The following THEMIS variants were observed in gnomAD, a reference collection of about 807,000 sequenced individuals.
THEMIS encodes the protein thymocyte selection associated.
Under a neutral mutation model 52.6 loss-of-function variants are expected in THEMIS, and 37 were observed. That is an observed-to-expected ratio of 0.70 (90% CI 0.54 to 0.93). The LOEUF is 0.93. Among genes scored for constraint, THEMIS ranks in the 40% least tolerant of loss-of-function variants. The pLI, the probability that THEMIS is intolerant of heterozygous loss-of-function variation, is 0.00. For missense variants in THEMIS, 808 were observed against 763.1 expected (o/e 1.06, Z -0.69); for synonymous variants, 292 against 272.7 (o/e 1.07, Z -0.70).
chr6:127,840,080 G>T (rs771867579), intron 2 of THEMIS, among the ~76,000 whole-genome samples: 11 of 152,094 alleles, frequency 7.2e-5, no homozygotes, highest in Non-Finnish European at 1.3e-4. Context: ...AAAGCAGTTA[G>T]ATTGGCCCCC....
chr6:127,796,217 A>G (rs536929706), intron 4 of THEMIS, among the ~76,000 whole-genome samples: 1 of 152,274 alleles, frequency 6.6e-6, no homozygotes, highest in Non-Finnish European at 1.5e-5. Flanking sequence ...ATGTGGGTTG[A>G]TCCTGGGTAG....
At position 127,789,683 on chromosome 6, in the gene THEMIS, A is replaced by G. The variant is rs567294623; in HGVS notation, c.1758+23200T>C. On this transcript the variant is annotated intron_variant, in intron 4 of 5. Coordinates refer to ENST00000368248, the MANE Select transcript of THEMIS (RefSeq NM_001010923.3). The stretch of plus-strand genomic sequence containing the variant: ...ATCAAAAAGCTTATCCACCACCATC[A>G]AGTCGGCTTCATCCCTGGGATGCAA... Among the ~76,000 whole-genome samples the G allele has an allele frequency of 5.9e-5, 9 of 152,318 alleles. No individual in the cohort carries two copies. In the South Asian group the frequency reaches 1.9e-3, roughly 32 times the overall value.
chr6:127,701,541 G>A, the THEMIS span, among the ~76,000 whole-genome samples: 1 of 151,944 alleles, frequency 6.6e-6, no homozygotes, highest in Non-Finnish European at 1.5e-5. Flanking sequence ...TTTATATTTG[G>A]TTTTGTTGGA....
intron 4 of THEMIS, 136 bp downstream of exon 4, chr6:127,812,747 A>T: frequency 1.2e-6 from 1 of 822,676 alleles, no homozygotes; most frequent in Non-Finnish European, 2.0e-6. Context: ...TCATTCATCT[A>T]CTGCACATCA....
chr6:127,880,183 T>G (rs1402068021), intron 1 of THEMIS, among the ~76,000 whole-genome samples: 1 of 152,142 alleles, frequency 6.6e-6, no homozygotes, highest in Non-Finnish European at 1.5e-5. Context: ...ATACAACAGG[T>G]GCTCAAAGTA....
intron 4 of THEMIS, among the ~76,000 whole-genome samples, chr6:127,774,797 T>G (rs1343476469): frequency 6.6e-6 from 1 of 152,216 alleles, no homozygotes; most frequent in African/African-American, 2.4e-5. Flanking sequence ...AATCTCATCA[T>G]GTAAATCAAG....
chr6:127,729,200 C>CTCTT (rs1774666983), intron 4 of THEMIS, among the ~76,000 whole-genome samples: 1 of 94,866 alleles, frequency 1.1e-5, no homozygotes, highest in African/African-American at 3.5e-5. Context: ...CTCTCTCTCT[C>CTCTT]TCTTCACTCA....
At chr6:127,845,955 G>C (rs985802177) in intron 2 of THEMIS, among the ~76,000 whole-genome samples, 4 of 151,876 alleles carry the variant, frequency 2.6e-5, no homozygotes, top group African/African-American at 9.7e-5. Flanking sequence ...CTCAATTCTG[G>C]CTAACTGAGG....
At chr6:127,914,951 G>A (rs527337383) in intron 1 of THEMIS, among the ~76,000 whole-genome samples, 2 of 152,074 alleles carry the variant, frequency 1.3e-5, no homozygotes, top group Non-Finnish European at 2.9e-5. Context: ...ACTTTGACCT[G>A]ATTTTACACA....
At chr6:127,850,873 G>A (rs1035653261) in intron 2 of THEMIS, among the ~76,000 whole-genome samples, 1 of 151,424 alleles carries the variant, frequency 6.6e-6, no homozygotes, top group African/African-American at 2.4e-5. Context: ...TTGTAACCCT[G>A]AATCTATGGA....
In THEMIS at chr6:127,829,588, A is replaced by T; in HGVS notation, c.597T>A (p.Thr199=). The change falls in exon 3 of 6, where the codon ACT becomes ACA. Residue 199 remains threonine (T), a synonymous_variant. Transcript: ENST00000368248. ...TATTTGAAAAATCTGTAAGGTTTAC[A>T]GTTCTTGTTCTGTTCTTAGGAATCT... ...EWKIPKNRTR[T]VNLTDFSNKW... 1 of 1,614,130 alleles carries T rather than the reference A, an allele frequency of 6.2e-7. No homozygotes were observed. The highest frequency in any genetic ancestry group is 8.5e-7 in the Non-Finnish European group (1 of 1,180,000).
chr6:127,855,600 A>T (rs1378873443), intron 1 of THEMIS, among the ~76,000 whole-genome samples: 2 of 151,922 alleles, frequency 1.3e-5, no homozygotes, highest in African/African-American at 2.4e-5. Context: ...GGAGATGAAA[A>T]AGAGGGTCTG....
chr6:127,817,415 A>G (rs577735456), intron 3 of THEMIS, among the ~76,000 whole-genome samples: 1 of 152,342 alleles, frequency 6.6e-6, no homozygotes, highest in South Asian at 2.1e-4. Flanking sequence ...CACTTCTCTT[A>G]AGGTTGCAGT....
intron 1 of THEMIS, among the ~76,000 whole-genome samples, chr6:127,889,566 G>A (rs1780742730): frequency 6.6e-6 from 1 of 152,064 alleles, no homozygotes; most frequent in Admixed American, 6.6e-5. Context: ...GTGGAAAATA[G>A]TAGAACTTCG....
intron 4 of THEMIS, among the ~76,000 whole-genome samples, chr6:127,761,346 C>G (rs1274616422): frequency 6.6e-6 from 1 of 152,104 alleles, no homozygotes. Context: ...CTCACTCAAG[C>G]TATAGCTGAC....
At chr6:127,769,777 C>A (rs1306422989) in intron 4 of THEMIS, among the ~76,000 whole-genome samples, 2 of 152,120 alleles carry the variant, frequency 1.3e-5, no homozygotes, top group Admixed American at 6.5e-5. Flanking sequence ...TACCCCTCCC[C>A]CATCCTCCAA....
At chr6:127,714,140 A>T (rs1305810470) in intron 5 of THEMIS, among the ~76,000 whole-genome samples, 1 of 151,896 alleles carries the variant, frequency 6.6e-6, no homozygotes, top group Non-Finnish European at 1.5e-5. Context: ...CTTCTAGTGC[A>T]TTATTTTTCA....
chr6:127,909,352 C>T (rs531412018), intron 1 of THEMIS, among the ~76,000 whole-genome samples: 5 of 152,172 alleles, frequency 3.3e-5, no homozygotes, highest in South Asian at 2.1e-4. Context: ...CAGGTAGAGA[C>T]AGTTGAATCA....
chr6:127,883,789 C>A (rs1168257201), intron 1 of THEMIS, among the ~76,000 whole-genome samples: 2 of 152,050 alleles, frequency 1.3e-5, no homozygotes, highest in Non-Finnish European at 2.9e-5. Flanking sequence ...GGGTTCTGAG[C>A]ACATTTAAGG....
Sources: gnomAD v4.1 joint callset for allele counts (sites outside exome capture counted in the v4.1 genomes callset) on GRCh38, gnomAD v4.1.1 for gene constraint, MANE v1.5 for transcripts, NCBI Gene and HGNC (gene_info 2026-07-23, HGNC 2026-07-21) for gene names.